DPP10: variants seen among roughly 807,000 people sequenced by gnomAD.
DPP10 encodes the protein inactive dipeptidyl peptidase 10.
Under a neutral mutation model 120.9 loss-of-function variants are expected in DPP10, and 33 were observed. That is an observed-to-expected ratio of 0.27 (90% CI 0.21 to 0.37). DPP10 has a LOEUF of 0.37. Ranked by LOEUF, DPP10 falls within the 10% of genes least tolerant of loss-of-function variation. The pLI is 1.00. For missense variants in DPP10, 816 were observed against 942.8 expected (o/e 0.87, Z 1.76); for synonymous variants, 337 against 326.1 (o/e 1.03, Z -0.36).
At chr2:114,455,910 T>A (rs1010983116) in intron 1 of DPP10, among the ~76,000 whole-genome samples, 1 of 152,152 alleles carries the variant, frequency 6.6e-6, no homozygotes, top group African/African-American at 2.4e-5. Context: ...GAGGTAGAAC[T>A]GGGCCTACTA....
intron 1 of DPP10, among the ~76,000 whole-genome samples, chr2:114,969,046 A>C (rs1453899790): frequency 2.6e-5 from 4 of 152,206 alleles, no homozygotes; most frequent in Non-Finnish European, 5.9e-5. Context: ...CTTTCCTGTT[A>C]ATCTTTGACA....
intron 1 of DPP10, among the ~76,000 whole-genome samples, chr2:114,802,630 C>G (rs761169006): frequency 4.6e-5 from 7 of 152,056 alleles, no homozygotes; most frequent in African/African-American, 1.4e-4. Context: ...TTTAGATCAA[C>G]GAGCTCTCAA....
At chr2:114,845,490 G>A (rs1391508450) in intron 1 of DPP10, among the ~76,000 whole-genome samples, 1 of 152,120 alleles carries the variant, frequency 6.6e-6, no homozygotes, top group African/African-American at 2.4e-5. Context: ...TCGCCAATCA[G>A]TAATACAACC....
chr2:114,695,813 C>T (rs942806799), intron 1 of DPP10, among the ~76,000 whole-genome samples: 2 of 152,020 alleles, frequency 1.3e-5, no homozygotes, highest in South Asian at 2.1e-4. Flanking sequence ...TTATTATCAA[C>T]TGAACCTATG....
At chr2:115,381,372 C>T (rs921200979) in intron 3 of DPP10, among the ~76,000 whole-genome samples, 1 of 152,190 alleles carries the variant, frequency 6.6e-6, no homozygotes, top group Non-Finnish European at 1.5e-5. Context: ...GCACTCTTCA[C>T]GTAGTTCTCC....
chr2:115,261,875 C>T (rs1392764390), intron 1 of DPP10, among the ~76,000 whole-genome samples: 1 of 152,134 alleles, frequency 6.6e-6, no homozygotes, highest in African/African-American at 2.4e-5. Flanking sequence ...TCAGGTTTTG[C>T]TAGACAGCTA....
intron 5 of DPP10, among the ~76,000 whole-genome samples, chr2:115,628,361 GTTGT>G (rs1339617071): frequency 3.9e-5 from 6 of 152,014 alleles, no homozygotes; most frequent in Non-Finnish European, 5.9e-5. Flanking sequence ...TTTTAATGGT[GTTGT>G]TTGTTTTGTT....
At chr2:115,156,622 C>A (rs2051931684) in intron 1 of DPP10, among the ~76,000 whole-genome samples, 1 of 152,098 alleles carries the variant, frequency 6.6e-6, no homozygotes, top group Non-Finnish European at 1.5e-5. Flanking sequence ...AATTGAGTAA[C>A]CACTATGAAG....
chr2:115,484,663 T>C (rs2075656306), intron 3 of DPP10, among the ~76,000 whole-genome samples: 1 of 152,162 alleles, frequency 6.6e-6, no homozygotes, highest in Non-Finnish European at 1.5e-5. Flanking sequence ...TGGAGCCATC[T>C]GAAAGAAAAC....
At chr2:115,638,346 C>T (rs974080198) in intron 5 of DPP10, among the ~76,000 whole-genome samples, 2 of 152,118 alleles carry the variant, frequency 1.3e-5, no homozygotes, top group African/African-American at 4.8e-5. Flanking sequence ...TTGGTGATGG[C>T]CAACCATGCA....
At chr2:115,833,444 G>A (rs1012881338) in intron 21 of DPP10, among the ~76,000 whole-genome samples, 1 of 152,084 alleles carries the variant, frequency 6.6e-6, no homozygotes, top group Non-Finnish European at 1.5e-5. Flanking sequence ...TTATGACAGA[G>A]AACTAGGAAC....
chr2:115,537,542 CT>C (rs1314207964), intron 5 of DPP10, among the ~76,000 whole-genome samples: 4 of 144,016 alleles, frequency 2.8e-5, no homozygotes, highest in Non-Finnish European at 6.0e-5. Flanking sequence ...TGCACCCTGA[CT>C]TTACTTGAGA....
chr2:115,530,890 G>A (rs2078422069), intron 5 of DPP10, among the ~76,000 whole-genome samples: 1 of 151,948 alleles, frequency 6.6e-6, no homozygotes. Flanking sequence ...GTGCAGCTAG[G>A]GTTGAAGACC....
intron 3 of DPP10, among the ~76,000 whole-genome samples, chr2:115,456,174 G>A (rs894412013): frequency 2.0e-5 from 3 of 152,058 alleles, no homozygotes; most frequent in African/African-American, 7.2e-5. Flanking sequence ...CTTCTCAAAA[G>A]AAGATCATTA....
At chr2:114,905,713 TA>T (rs1158685793) in intron 1 of DPP10, among the ~76,000 whole-genome samples, 2 of 152,158 alleles carry the variant, frequency 1.3e-5, no homozygotes, top group African/African-American at 2.4e-5. Flanking sequence ...TAAATCATTC[TA>T]TTTTTTTATT....
chr2:115,692,984 A>G (rs2091397941), intron 7 of DPP10, among the ~76,000 whole-genome samples: 1 of 152,200 alleles, frequency 6.6e-6, no homozygotes, highest in South Asian at 2.1e-4. Context: ...AAGAAATCCT[A>G]CAAACAACCC....
At chr2:114,659,207 A>C (rs1310441557) in intron 1 of DPP10, among the ~76,000 whole-genome samples, 4 of 152,214 alleles carry the variant, frequency 2.6e-5, no homozygotes, top group Admixed American at 1.3e-4. Flanking sequence ...TGCAGCATGA[A>C]AACGTACTAA....
chr2:115,357,829 C>T (rs1453618296), intron 3 of DPP10, among the ~76,000 whole-genome samples: 8 of 152,166 alleles, frequency 5.3e-5, no homozygotes, highest in African/African-American at 1.9e-4. Flanking sequence ...TTTTTGTTTT[C>T]TGTGCACCCA....
intron 2 of DPP10, among the ~76,000 whole-genome samples, chr2:115,315,762 A>G (rs561141118): frequency 6.6e-6 from 1 of 152,272 alleles, no homozygotes; most frequent in Non-Finnish European, 1.5e-5. Flanking sequence ...CAGATTGAAC[A>G]TGGATTTCCA....
Sources: allele counts gnomAD v4.1 joint callset (sites outside exome capture counted in the v4.1 genomes callset), GRCh38; gene constraint gnomAD v4.1.1; transcripts MANE v1.5; gene names NCBI Gene and HGNC (gene_info 2026-07-23, HGNC 2026-07-21).